Variants in XIRP2 observed in about 807,000 individuals in gnomAD.
XIRP2 encodes xin actin binding repeat containing 2, also known as xin actin-binding repeat-containing protein 2.
XIRP2 carries 236 observed loss-of-function variants against 277.0 expected under a neutral mutation model. That is an observed-to-expected ratio of 0.85 (90% CI 0.77 to 0.95). The LOEUF (loss-of-function observed/expected upper bound fraction) is 0.95, where lower values mean the gene tolerates loss of function less well. Among genes scored for constraint, XIRP2 ranks in the 40% least tolerant of loss-of-function variants. The pLI, the probability that XIRP2 is intolerant of heterozygous loss-of-function variation, is 0.00. For missense variants in XIRP2, 4,640 were observed against 4,157.5 expected, an observed-to-expected ratio of 1.12 and a Z score of -3.19; for synonymous variants, 1,490 against 1,416.5, an observed-to-expected ratio of 1.05 and a Z score of -1.17.
rs778364561 is a variant in XIRP2 at position 167,249,071 on chromosome 2, A to C, written c.7679A>C (p.Lys2560Thr). ...AGACAACAAAAAGAAGAAATTGAAA[A>C]ACAGAAACAGGAGAGTTCTTACTAC... Reference protein sequence around the residue: ...KYRQQKEEIEKQKQESSYYNI... With the variant: ...KYRQQKEEIETQKQESSYYNI... Residue 2560 changes from lysine (K) to threonine (T), a missense_variant, in exon 9 of 11, where the codon AAA (lysine) becomes ACA (threonine). By Grantham distance (78) the Lys-to-Thr change is moderately conservative. Coordinates refer to ENST00000409195, the MANE Select transcript of XIRP2 (RefSeq NM_152381.6). 1 of 1,612,476 alleles carries C rather than the reference A, an allele frequency of 6.2e-7. No homozygotes were observed. The highest frequency in any genetic ancestry group is 1.1e-5 in the South Asian group (1 of 90,640).
chr2:167,008,048 G>A (rs1277388168), intron 2 of XIRP2, among the ~76,000 whole-genome samples: 1 of 151,490 alleles, frequency 6.6e-6, no homozygotes, highest in Non-Finnish European at 1.5e-5. Flanking sequence ...TAAAGGGGAT[G>A]TCCAAATTGC....
chr2:167,252,162 T>G (rs572550463), intron 9 of XIRP2, among the ~76,000 whole-genome samples: 3 of 152,128 alleles, frequency 2.0e-5, no homozygotes, highest in Admixed American at 1.3e-4. Flanking sequence ...TTGCACTGTG[T>G]GAGAATAACA....
rs576169340 is a variant in XIRP2, at chr2:166,946,091, TGAG to T, written c.408+42202_408+42204del. 2.4e-3 allele frequency among the ~76,000 whole-genome samples: 361 copies of T among 152,302 alleles called. 1 individual carries two copies. Among genetic ancestry groups the T allele is most frequent in the African/African-American group, 8.2e-3 (341 of 41,580 alleles). On this transcript the variant is annotated intron_variant, in intron 2 of 10. Transcript: ENST00000409195. Reference sequence around the variant, plus strand: ...TGGTTTCTGTCAAAACTCTCACAGATGAGAAGATCTTCATCCTGTGTTTGCTCA... The same window carrying T: ...TGGTTTCTGTCAAAACTCTCACAGATAAGATCTTCATCCTGTGTTTGCTCA...
rs756358767 is a variant in XIRP2, at chr2:167,251,618, G to T, written c.10226G>T (p.Cys3409Phe). The T allele has an allele frequency of 6.8e-6, 11 of 1,613,394 alleles. No homozygotes were observed. The highest frequency in any genetic ancestry group is 1.6e-4 in the Middle Eastern group (1 of 6,076). Residue 3409 changes from cysteine (C) to phenylalanine (F), a missense_variant, in exon 9 of 11, where the codon TGC becomes TTC. Physicochemically the swap from Cys to Phe is radical, Grantham distance 205. Coordinates refer to ENST00000409195, the MANE Select transcript of XIRP2 (RefSeq NM_152381.6). ...EKIPVKQPRI[C>F]SETRSLSEHF... ...ATTCCTGTTAAGCAGCCCAGGATCTGCTCTGAAACCAGGTCTCTAAGTGAA... is the reference window on the plus strand; with the variant it reads ...ATTCCTGTTAAGCAGCCCAGGATCTTCTCTGAAACCAGGTCTCTAAGTGAA...
chr2:167,108,835 T>C (rs748297954), intron 2 of XIRP2, among the ~76,000 whole-genome samples: 42 of 137,638 alleles, frequency 3.1e-4, no homozygotes, highest in South Asian at 1.3e-3. Context: ...TTTGTTGTGT[T>C]TTTTTTTTGG....
At chr2:166,950,175 T>G (rs1055305537) in intron 2 of XIRP2, among the ~76,000 whole-genome samples, 1 of 152,032 alleles carries the variant, frequency 6.6e-6, no homozygotes, top group African/African-American at 2.4e-5. Flanking sequence ...GCAAAGCAAA[T>G]GCTAAAGGTA....
Position 167,249,331 on chromosome 2 carries a change from G to A in XIRP2, c.7939G>A (p.Ala2647Thr). Reference sequence around the variant, plus strand: ...TGCCAAGAGGCTCCACCATGTTTTAGCAGCTTCAGAAGACAAAGATAAGAT... The same window carrying A: ...TGCCAAGAGGCTCCACCATGTTTTAACAGCTTCAGAAGACAAAGATAAGAT... ...VAAKRLHHVL[A>T]ASEDKDKMKK... The change falls in exon 9 of 11, where the codon GCA becomes ACA. Residue 2647 changes from alanine to threonine, a missense_variant. By Grantham distance (58) the Ala-to-Thr change is moderately conservative. Coordinates refer to ENST00000409195, the MANE Select transcript of XIRP2 (RefSeq NM_152381.6). 1 of 1,613,730 alleles carries A rather than the reference G, an allele frequency of 6.2e-7. No homozygotes were observed. The highest frequency in any genetic ancestry group is 8.5e-7 in the Non-Finnish European group (1 of 1,179,784).
chr2:167,038,738 C>T (rs1415413516), intron 2 of XIRP2, among the ~76,000 whole-genome samples: 1 of 151,824 alleles, frequency 6.6e-6, no homozygotes, highest in Non-Finnish European at 1.5e-5. Flanking sequence ...TTAAAGATAA[C>T]TGTTAGTGGC....
Position 167,244,518 on chromosome 2 carries a change from A to G in XIRP2, c.3126A>G (p.Ile1042Met), listed in dbSNP as rs768402851. The change falls in exon 9 of 11, where the codon ATA becomes ATG. Residue 1042 changes from isoleucine (I) to methionine (M), a missense_variant. By Grantham distance (10) the Ile-to-Met change is conservative. Transcript: ENST00000409195. ...SIHKFQIIRG[I>M]SAQEIQTGNV... is the part of the protein sequence containing the mutation. ...ATAAATTTCAAATAATTAGAGGAATATCTGCTCAAGAAATACAGACTGGAA... is the reference window on the plus strand; with the variant it reads ...ATAAATTTCAAATAATTAGAGGAATGTCTGCTCAAGAAATACAGACTGGAA... The G allele has an allele frequency of 4.3e-6, 7 of 1,613,676 alleles. No individual in the cohort carries two copies. The highest frequency in any genetic ancestry group is 5.9e-6 in the Non-Finnish European group (7 of 1,179,788).
chr2:166,952,955 T>G (rs1332636398), intron 2 of XIRP2, among the ~76,000 whole-genome samples: 1 of 152,024 alleles, frequency 6.6e-6, no homozygotes, highest in Non-Finnish European at 1.5e-5. Flanking sequence ...AAATTCAATT[T>G]AAAAATTGCT....
chr2:167,033,780 A>G (rs1388831134), intron 2 of XIRP2, among the ~76,000 whole-genome samples: 2 of 152,218 alleles, frequency 1.3e-5, no homozygotes, highest in Admixed American at 6.6e-5. Context: ...GCCCTGGGAA[A>G]ATATCATTCA....
Position 167,243,221 on chromosome 2 carries a change from C to T in XIRP2, c.1829C>T (p.Ala610Val), listed in dbSNP as rs1695129724. The change falls in exon 9 of 11, where the codon GCT becomes GTT. Residue 610 changes from alanine to valine, a missense_variant. Transcript: ENST00000409195. ...SRGIADQEII[A>V]GGDVKYTTWM... The stretch of plus-strand genomic sequence containing the variant: ...GGCATTGCTGATCAAGAAATCATTG[C>T]TGGTGGTGATGTGAAATATACCACA... 2 of 1,614,098 alleles carry T rather than the reference C, an allele frequency of 1.2e-6. No individual in the cohort carries two copies. Among genetic ancestry groups the T allele is most frequent in the Middle Eastern group, 1.6e-4 (1 of 6,062 alleles).
At chr2:167,214,402 A>G (rs1173301199) in intron 4 of XIRP2, among the ~76,000 whole-genome samples, 1 of 148,192 alleles carries the variant, frequency 6.7e-6, no homozygotes, top group African/African-American at 2.5e-5. Context: ...ACTTGAACCC[A>G]GGAAACAGTG....
rs1687188679 is a variant in XIRP2, at chr2:166,995,316, T to C, written c.408+91426T>C. ...TGGCTGAGCCCTACTGAATTTCATC[T>C]TTAAGGCAAAAACGTTAGTGACCTC... On this transcript the variant is annotated intron_variant, in intron 2 of 10. Coordinates refer to ENST00000409195, the MANE Select transcript of XIRP2 (RefSeq NM_152381.6). Among the ~76,000 whole-genome samples, 4 of 152,248 alleles carry C rather than the reference T, an allele frequency of 2.6e-5. No homozygotes were observed. In the South Asian group the frequency reaches 8.3e-4, roughly 32 times the overall value.
At chr2:166,973,661 A>G (rs904304221) in intron 2 of XIRP2, among the ~76,000 whole-genome samples, 1 of 152,222 alleles carries the variant, frequency 6.6e-6, no homozygotes, top group Non-Finnish European at 1.5e-5. Context: ...AAAGCACTTC[A>G]GAATCTCAGT....
At chr2:167,041,120 G>T (rs1051491561) in intron 2 of XIRP2, among the ~76,000 whole-genome samples, 1 of 152,198 alleles carries the variant, frequency 6.6e-6, no homozygotes. Context: ...CAGCCCTCCA[G>T]GGTTAGAGCA....
intron 2 of XIRP2, among the ~76,000 whole-genome samples, chr2:167,082,800 T>C (rs1230608929): frequency 6.6e-6 from 1 of 152,182 alleles, no homozygotes; most frequent in Non-Finnish European, 1.5e-5. Context: ...GTTTGTTTTT[T>C]TCTTGTAAAT....
At chr2:167,053,631 T>C (rs747270014) in intron 2 of XIRP2, among the ~76,000 whole-genome samples, 6 of 152,154 alleles carry the variant, frequency 3.9e-5, no homozygotes, top group Non-Finnish European at 7.4e-5. Context: ...AGTAAAAAAG[T>C]TTTGTACCCA....
At chr2:167,022,246 C>A (rs1238256858) in intron 2 of XIRP2, among the ~76,000 whole-genome samples, 1 of 151,906 alleles carries the variant, frequency 6.6e-6, no homozygotes, top group Non-Finnish European at 1.5e-5. Flanking sequence ...AACGTCTATA[C>A]CTGTGAAACA....
Sources: allele counts gnomAD v4.1 joint callset (sites outside exome capture counted in the v4.1 genomes callset), GRCh38; gene constraint gnomAD v4.1.1; transcripts MANE v1.5; gene names NCBI Gene and HGNC (gene_info 2026-07-23, HGNC 2026-07-21).